The following PCDHA10 variants were observed in gnomAD, a reference collection of about 807,000 sequenced individuals.
The protein encoded by PCDHA10 is protocadherin alpha 10.
Under a neutral mutation model 61.2 loss-of-function variants are expected in PCDHA10, and 45 were observed. The observed-to-expected ratio is 0.74, with a 90% CI of 0.58 to 0.94. PCDHA10 has a LOEUF of 0.94. PCDHA10 is among the 40% of genes least tolerant of loss of function. PCDHA10 has a pLI of 0.00. For missense variants in PCDHA10, 1,278 were observed against 1,236.2 expected, an observed-to-expected ratio of 1.03 and a Z score of -0.51; for synonymous variants, 602 against 548.8, an observed-to-expected ratio of 1.10 and a Z score of -1.35.
At position 140,858,238 on chromosome 5, in the gene PCDHA10, T is replaced by C. The variant is rs1351813678; in HGVS notation, c.2190T>C (p.Cys730=). 3.1e-6 allele frequency: 5 copies of C among 1,595,920 alleles called. 1 individual carries two copies. Among genetic ancestry groups the C allele is most frequent in the Non-Finnish European group, 4.3e-6 (5 of 1,166,390 alleles). ...RCSAAPTEGA[C]GPVKPTLVCS... ...CGGCGGCGCCCACCGAGGGCGCATGTGGGCCGGTGAAGCCCACGCTGGTGT... is the reference window on the plus strand; with the variant it reads ...CGGCGGCGCCCACCGAGGGCGCATGCGGGCCGGTGAAGCCCACGCTGGTGT... The change falls in exon 1 of 4, where the codon TGT becomes TGC. Residue 730 remains cysteine (C), a synonymous_variant. Coordinates refer to ENST00000307360, the MANE Select transcript of PCDHA10 (RefSeq NM_018901.4).
At chr5:140,993,472 A>T (rs1164535164) in intron 3 of PCDHA10, among the ~76,000 whole-genome samples, 1 of 134,248 alleles carries the variant, frequency 7.4e-6, no homozygotes, top group Non-Finnish European at 1.5e-5. Flanking sequence ...TCACACACAC[A>T]CACACACACA....
At chr5:140,998,403 A>G (rs375947232) in intron 3 of PCDHA10, among the ~76,000 whole-genome samples, 5 of 152,114 alleles carry the variant, frequency 3.3e-5, no homozygotes, top group Non-Finnish European at 7.4e-5. Context: ...CTTTATGCCA[A>G]AGTTTATCTA....
intron 1 of PCDHA10, chr5:140,884,831 A>G (rs918582598): frequency 4.3e-6 from 4 of 939,604 alleles, no homozygotes; most frequent in Non-Finnish European, 6.0e-6. Flanking sequence ...GTGTTGGATT[A>G]TCCTTCAGAG....
At chr5:140,899,789 G>A (rs1200461877) in intron 1 of PCDHA10, among the ~76,000 whole-genome samples, 17 of 152,024 alleles carry the variant, frequency 1.1e-4, no homozygotes, top group Admixed American at 9.8e-4. Context: ...GGTATAATTC[G>A]GCTGTGAATC....
At chr5:140,968,995 A>G in intron 1 of PCDHA10, 2 of 1,614,200 alleles carry the variant, frequency 1.2e-6, no homozygotes, top group Non-Finnish European at 1.7e-6. Flanking sequence ...CATGCTGTGG[A>G]GGCTTCTGTG....
intron 1 of PCDHA10, chr5:140,864,131 C>T (rs1191478097): frequency 2.0e-5 from 3 of 152,082 alleles, no homozygotes; most frequent in Non-Finnish European, 2.9e-5. Context: ...GACTGAGTGG[C>T]TGTTTCCTGT....
intron 1 of PCDHA10, among the ~76,000 whole-genome samples, chr5:140,903,429 G>A (rs782504374): frequency 1.3e-5 from 2 of 152,180 alleles, no homozygotes; most frequent in Non-Finnish European, 2.9e-5. Context: ...AGCACAATAT[G>A]TATCAGTGGA....
intron 1 of PCDHA10, chr5:140,870,482 C>A (rs1298357431): frequency 6.2e-7 from 1 of 1,614,126 alleles, no homozygotes; most frequent in Non-Finnish European, 8.5e-7. Flanking sequence ...CCCGAGTACA[C>A]CGTGTTCGTG....
At chr5:140,958,867 T>C (rs1312043891) in intron 1 of PCDHA10, among the ~76,000 whole-genome samples, 1 of 152,146 alleles carries the variant, frequency 6.6e-6, no homozygotes, top group Non-Finnish European at 1.5e-5. Context: ...ACTGGGTTTA[T>C]AAAAGAATTG....
At chr5:140,894,457 T>C (rs2153447013) in intron 1 of PCDHA10, among the ~76,000 whole-genome samples, 1 of 152,166 alleles carries the variant, frequency 6.6e-6, no homozygotes, top group African/African-American at 2.4e-5. Flanking sequence ...AAAAAATATT[T>C]TACTTTTTAT....
rs572205670 is a variant in PCDHA10 at position 140,933,229 on chromosome 5, G to A, written c.2389-45720G>A. ...TACATGTCTGTTATATTGCATTTAT[G>A]AAAAAGAAAGGACTATAAACACAAA... On this transcript the variant is annotated intron_variant, in intron 1 of 3. Coordinates refer to ENST00000307360, the MANE Select transcript of PCDHA10 (RefSeq NM_018901.4). Among the ~76,000 whole-genome samples, 114 of 151,958 alleles carry A rather than the reference G, an allele frequency of 7.5e-4. 1 individual carries two copies. The highest frequency in any genetic ancestry group is 1.5e-3 in the Non-Finnish European group (99 of 67,810).
At chr5:140,900,572 G>A (rs1244478745) in intron 1 of PCDHA10, among the ~76,000 whole-genome samples, 3 of 152,068 alleles carry the variant, frequency 2.0e-5, no homozygotes, top group Non-Finnish European at 4.4e-5. Flanking sequence ...CCACGGCACC[G>A]GCCCATTTTC....
At chr5:140,925,523 A>G (rs2082536331) in intron 1 of PCDHA10, among the ~76,000 whole-genome samples, 1 of 152,138 alleles carries the variant, frequency 6.6e-6, no homozygotes, top group African/African-American at 2.4e-5. Flanking sequence ...ACCAAATTAA[A>G]AGCGAGGAGA....
At chr5:140,862,968 G>C in intron 1 of PCDHA10, 1 of 544,810 alleles carries the variant, frequency 1.8e-6, no homozygotes, top group Non-Finnish European at 3.6e-6. Context: ...GTGGATGCAG[G>C]CCACTTGGTG....
intron 1 of PCDHA10, among the ~76,000 whole-genome samples, chr5:140,906,524 G>A (rs1401305370): frequency 2.0e-5 from 3 of 152,156 alleles, no homozygotes; most frequent in Non-Finnish European, 2.9e-5. Context: ...AAATACTCAC[G>A]ACAATTAAAA....
At chr5:140,886,638 C>T (rs1282922977) in intron 1 of PCDHA10, among the ~76,000 whole-genome samples, 4 of 151,738 alleles carry the variant, frequency 2.6e-5, no homozygotes, top group South Asian at 2.1e-4. Flanking sequence ...CCAGCCTGGC[C>T]AACATGGTGA....
intron 1 of PCDHA10, chr5:140,967,575 C>T: frequency 6.2e-7 from 1 of 1,614,156 alleles, no homozygotes. Context: ...CGGGAGGACT[C>T]ACCCCCAGGC....
At chr5:140,984,730 T>C (rs956611464) in intron 3 of PCDHA10, among the ~76,000 whole-genome samples, 4 of 152,186 alleles carry the variant, frequency 2.6e-5, no homozygotes, top group Non-Finnish European at 4.4e-5. Context: ...ATTAAGATTA[T>C]GATTTAGAGT....
At chr5:140,867,805 T>C (rs1260432905) in intron 1 of PCDHA10, 1 of 152,150 alleles carries the variant, frequency 6.6e-6, no homozygotes. Flanking sequence ...GCATTTTCTA[T>C]GAAATTCCAT....
Sources: allele counts gnomAD v4.1 joint callset (sites outside exome capture counted in the v4.1 genomes callset), GRCh38; gene constraint gnomAD v4.1.1; transcripts MANE v1.5; gene names NCBI Gene and HGNC (gene_info 2026-07-23, HGNC 2026-07-21).